CACNA2D3: variants seen among roughly 807,000 people sequenced by gnomAD.
CACNA2D3 encodes the protein calcium voltage-gated channel auxiliary subunit alpha2delta 3.
A neutral mutation model predicts 160.6 loss-of-function variants in CACNA2D3; 60 were observed. The observed-to-expected ratio is 0.37, with a 90% confidence interval of 0.30 to 0.46. The LOEUF is 0.46. Among genes scored for constraint, CACNA2D3 ranks in the 20% least tolerant of loss-of-function variants. The pLI is 1.00. For missense variants in CACNA2D3, 1,205 were observed against 1,365.0 expected (o/e 0.88, Z 1.85); for synonymous variants, 558 against 492.9 (o/e 1.13, Z -1.75).
intron 2 of CACNA2D3, among the ~76,000 whole-genome samples, chr3:54,247,688 C>T (rs768579425): frequency 2.6e-5 from 4 of 152,070 alleles, no homozygotes; most frequent in Non-Finnish European, 5.9e-5. Flanking sequence ...CTACTAGGCA[C>T]CCCTGAAAAA....
At chr3:54,956,605 C>T (rs1669190976) in intron 27 of CACNA2D3, among the ~76,000 whole-genome samples, 1 of 152,078 alleles carries the variant, frequency 6.6e-6, no homozygotes, top group Non-Finnish European at 1.5e-5. Context: ...GTCATAAATT[C>T]CTGCTCATCC....
chr3:54,909,608 A>G (rs1700515044), intron 27 of CACNA2D3, among the ~76,000 whole-genome samples: 1 of 151,730 alleles, frequency 6.6e-6, no homozygotes. Flanking sequence ...ACAAATTCAT[A>G]AACTTTCTTA....
At chr3:54,376,408 C>T (rs1200519816) in intron 3 of CACNA2D3, among the ~76,000 whole-genome samples, 1 of 152,206 alleles carries the variant, frequency 6.6e-6, no homozygotes, top group Non-Finnish European at 1.5e-5. Context: ...CCTCTCTTCC[C>T]TTTGGTTTCC....
chr3:54,291,745 T>C (rs763463540), intron 2 of CACNA2D3, among the ~76,000 whole-genome samples: 1 of 152,172 alleles, frequency 6.6e-6, no homozygotes, highest in Non-Finnish European at 1.5e-5. Context: ...AGGTGATGTC[T>C]GGTGGACATA....
intron 4 of CACNA2D3, among the ~76,000 whole-genome samples, chr3:54,401,137 A>G (rs1158476353): frequency 6.6e-6 from 1 of 152,096 alleles, no homozygotes; most frequent in Non-Finnish European, 1.5e-5. Context: ...AGACTAGATC[A>G]AGCAGAAGAA....
intron 13 of CACNA2D3, among the ~76,000 whole-genome samples, chr3:54,813,319 G>T (rs985042199): frequency 1.6e-4 from 24 of 152,140 alleles, no homozygotes; most frequent in African/African-American, 5.8e-4. Context: ...TGGCTTTGAA[G>T]AAGAAAACAT....
chr3:54,721,149 C>T (rs1243539843), intron 11 of CACNA2D3, among the ~76,000 whole-genome samples: 1 of 152,000 alleles, frequency 6.6e-6, no homozygotes, highest in Non-Finnish European at 1.5e-5. Flanking sequence ...ATTATATTAG[C>T]ACTTTTCCCA....
intron 4 of CACNA2D3, among the ~76,000 whole-genome samples, chr3:54,443,171 A>C (rs1344230926): frequency 6.6e-6 from 1 of 152,194 alleles, no homozygotes; most frequent in Non-Finnish European, 1.5e-5. Flanking sequence ...CTCTTATTTT[A>C]TTGGTGAAAG....
At chr3:54,366,181 A>G (rs1266428310) in intron 3 of CACNA2D3, among the ~76,000 whole-genome samples, 1 of 152,228 alleles carries the variant, frequency 6.6e-6, no homozygotes, top group Admixed American at 6.5e-5. Context: ...AGTGTTCAGC[A>G]AAGTTTTCAT....
chr3:54,622,609 C>T (rs542554124), intron 9 of CACNA2D3, among the ~76,000 whole-genome samples: 2 of 150,758 alleles, frequency 1.3e-5, no homozygotes, highest in Non-Finnish European at 2.9e-5. Flanking sequence ...AATCAGAGTT[C>T]ATAGGGCCTG....
chr3:54,439,640 G>C (rs999669416), intron 4 of CACNA2D3, among the ~76,000 whole-genome samples: 1 of 152,126 alleles, frequency 6.6e-6, no homozygotes, highest in African/African-American at 2.4e-5. Flanking sequence ...CTGTGTTTTC[G>C]TGGTGCTACC....
chr3:54,868,687 G>C (rs371104881), intron 17 of CACNA2D3, among the ~76,000 whole-genome samples: 46 of 152,158 alleles, frequency 3.0e-4, no homozygotes, highest in African/African-American at 1.0e-3. Context: ...ACCAAGCAGA[G>C]ACATATGAAT....
At chr3:54,779,503 C>G (rs1702492031) in intron 13 of CACNA2D3, among the ~76,000 whole-genome samples, 1 of 152,202 alleles carries the variant, frequency 6.6e-6, no homozygotes, top group Non-Finnish European at 1.5e-5. Context: ...TACAGTTGTA[C>G]TTGTAATGTG....
chr3:54,797,570 C>T (rs559022143), intron 13 of CACNA2D3, among the ~76,000 whole-genome samples: 1 of 152,258 alleles, frequency 6.6e-6, no homozygotes, highest in African/African-American at 2.4e-5. Context: ...GTCTCCCCAC[C>T]ACCCCCATTT....
intron 35 of CACNA2D3, 80 bp downstream of exon 35, chr3:55,018,397 G>C: frequency 1.2e-6 from 1 of 810,602 alleles, no homozygotes; most frequent in East Asian, 2.6e-5. Context: ...TGTGTGACTT[G>C]CAGGCACAGT....
chr3:54,565,335 A>G (rs956839326), intron 6 of CACNA2D3, among the ~76,000 whole-genome samples: 6 of 152,132 alleles, frequency 3.9e-5, no homozygotes, highest in African/African-American at 1.4e-4. Context: ...GATCACTGAG[A>G]AGGATCACCA....
At chr3:54,574,466 A>G (rs910117549) in intron 8 of CACNA2D3, among the ~76,000 whole-genome samples, 45 of 152,334 alleles carry the variant, frequency 3.0e-4, no homozygotes, top group Non-Finnish European at 2.9e-4. Flanking sequence ...AGATAATGTT[A>G]AAAATTGTTT....
chr3:54,402,633 A>G (rs1199294713), intron 4 of CACNA2D3, among the ~76,000 whole-genome samples: 4 of 152,212 alleles, frequency 2.6e-5, no homozygotes, highest in Non-Finnish European at 4.4e-5. Flanking sequence ...ACCTAAGACA[A>G]ATATTAATTG....
intron 2 of CACNA2D3, among the ~76,000 whole-genome samples, chr3:54,236,712 TC>T (rs1222815515): frequency 7.2e-5 from 11 of 152,122 alleles, no homozygotes; most frequent in Admixed American, 2.6e-4. Flanking sequence ...ATACCATTGT[TC>T]CAAGGGGGCC....
Sources: allele counts gnomAD v4.1 joint callset (sites outside exome capture counted in the v4.1 genomes callset), GRCh38; gene constraint gnomAD v4.1.1; transcripts MANE v1.5; gene names NCBI Gene and HGNC (gene_info 2026-07-23, HGNC 2026-07-21).